The following CSNK1A1L variants were observed in gnomAD, a reference collection of about 807,000 sequenced individuals.
CSNK1A1L encodes casein kinase I isoform alpha-like.
A neutral mutation model predicts 24.6 loss-of-function variants in CSNK1A1L; 20 were observed. The observed-to-expected ratio is 0.81, with a 90% CI of 0.57 to 1.18. The LOEUF (loss-of-function observed/expected upper bound fraction) is 1.18, where lower values mean the gene tolerates loss of function less well. Ranked by LOEUF, CSNK1A1L falls within the 50% of genes most tolerant of loss-of-function variation. The pLI is 0.00. For synonymous variants in CSNK1A1L, 152 were observed against 154.0 expected, an observed-to-expected ratio of 0.99 and a Z score of 0.09; for missense variants, 414 against 419.0, an observed-to-expected ratio of 0.99 and a Z score of 0.10.
chr13:37,105,162 T>A lies in CSNK1A1L; in HGVS notation c.95A>T (p.Tyr32Phe). 1.2e-6 allele frequency: 2 copies of A among 1,614,142 alleles called. No individual in the cohort carries two copies. Among genetic ancestry groups the A allele is most frequent in the Non-Finnish European group, 1.7e-6 (2 of 1,180,026 alleles). The part of the protein sequence containing the change: ...KIGSGSFGDV[Y>F]LGITTTNGED... The stretch of plus-strand genomic sequence containing the variant: ...GCCGTTGGTGGTGGTGATGCCCAGA[T>A]AAACGTCTCCAAAGGAGCCAGACCC... Residue 32 changes from tyrosine (Y) to phenylalanine (F), a missense_variant, in exon 1 of 1, where the codon TAT becomes TTT. By Grantham distance (22) the Tyr-to-Phe change is conservative (BLOSUM62 3). Coordinates refer to ENST00000379800, the MANE Select transcript of CSNK1A1L (RefSeq NM_145203.6).
rs2070759898 is a variant in CSNK1A1L at position 37,103,658 on chromosome 13, G to C, written c.*585C>G. The C allele has an allele frequency of 6.5e-6, 1 of 153,556 alleles. No individual in the cohort carries two copies. The highest frequency in any genetic ancestry group is 1.5e-5 in the Non-Finnish European group (1 of 68,936). The allele number at this position is 153,556 out of a possible 1,614,324, so 9.5% of individuals were successfully genotyped here. A position where few individuals can be genotyped will look rare whatever the true frequency, so the allele number is the denominator to read the frequency against. ...CTGGTAGTTACTAAGATTTTCTTAT[G>C]TCTTCACAGGTAAGCAGGCGGAATC... On this transcript the variant is annotated 3_prime_UTR_variant, in exon 1 of 1. Coordinates refer to ENST00000379800, the MANE Select transcript of CSNK1A1L (RefSeq NM_145203.6).
In CSNK1A1L at chr13:37,103,829, C is replaced by G; in HGVS notation, c.*414G>C. 1 of 227,582 alleles carries G rather than the reference C, an allele frequency of 4.4e-6. No individual in the cohort carries two copies. The highest frequency in any genetic ancestry group is 6.2e-5 in the South Asian group (1 of 16,194). 14.1% of individuals were successfully genotyped at this position (227,582 alleles called of 1,614,324 possible). A position where few individuals can be genotyped will look rare whatever the true frequency, so the allele number is the denominator to read the frequency against. The stretch of plus-strand genomic sequence containing the variant: ...AACCCTAAAAATGCTCAATCATAAG[C>G]ATTTACAACCTTTGCAGCTGTGGCT... On this transcript the variant is annotated 3_prime_UTR_variant, in exon 1 of 1. Coordinates refer to ENST00000379800, the MANE Select transcript of CSNK1A1L (RefSeq NM_145203.6).
chr13:37,104,922 G>C lies in CSNK1A1L; in HGVS notation c.335C>G (p.Thr112Ser). ...NFCSRRFTMK[T>S]VLMLADQMIS... ...CATCTGGTCGGCTAACATAAGTACA[G>C]TTTTCATGGTGAACCTTCTTGAACA... The change falls in exon 1 of 1, where the codon ACT becomes AGT. Residue 112 changes from threonine (T) to serine (S), a missense_variant. Physicochemically the swap from Thr to Ser is moderately conservative, Grantham distance 58. Transcript: ENST00000379800. 6.2e-7 allele frequency: 1 copy of C among 1,614,060 alleles called. No homozygotes were observed. Among genetic ancestry groups the C allele is most frequent in the South Asian group, 1.1e-5 (1 of 91,078 alleles).
chr13:37,104,930 G>T lies in CSNK1A1L; in HGVS notation c.327C>A (p.Thr109=). 6.2e-7 allele frequency: 1 copy of T among 1,613,962 alleles called. No homozygotes were observed. Among genetic ancestry groups the T allele is most frequent in the Non-Finnish European group, 8.5e-7 (1 of 1,179,988 alleles). ...DLFNFCSRRF[T]MKTVLMLADQ... ...CGGCTAACATAAGTACAGTTTTCAT[G>T]GTGAACCTTCTTGAACAGAAATTAA... The change falls in exon 1 of 1, where the codon ACC becomes ACA. Residue 109 remains threonine, a synonymous_variant. Coordinates refer to ENST00000379800, the MANE Select transcript of CSNK1A1L (RefSeq NM_145203.6).
Position 37,103,939 on chromosome 13 carries a change from T to C in CSNK1A1L, c.*304A>G. ...ACAAAAAATTGGCATATGGACAATG[T>C]CTCCACCAATTCGTGTGTGTCAACC... On this transcript the variant is annotated 3_prime_UTR_variant, in exon 1 of 1. Coordinates refer to ENST00000379800, the MANE Select transcript of CSNK1A1L (RefSeq NM_145203.6). 2.3e-6 allele frequency: 1 copy of C among 444,140 alleles called. No individual in the cohort carries two copies. The highest frequency in any genetic ancestry group is 4.1e-6 in the Non-Finnish European group (1 of 243,880). 27.5% of individuals were successfully genotyped at this position (444,140 alleles called of 1,614,324 possible). A position where few individuals can be genotyped will look rare whatever the true frequency, so the allele number is the denominator to read the frequency against.
In CSNK1A1L at chr13:37,103,835, C is replaced by T. The variant is rs2139726647; in HGVS notation, c.*408G>A. 4.2e-6 allele frequency: 1 copy of T among 238,044 alleles called. No homozygotes were observed. The highest frequency in any genetic ancestry group is 1.1e-4 in the East Asian group (1 of 9,188). 14.7% of individuals were successfully genotyped at this position (238,044 alleles called of 1,614,324 possible). A position where few individuals can be genotyped will look rare whatever the true frequency, so the allele number is the denominator to read the frequency against. On this transcript the variant is annotated 3_prime_UTR_variant, in exon 1 of 1. Coordinates refer to ENST00000379800, the MANE Select transcript of CSNK1A1L (RefSeq NM_145203.6). ...AAAAATGCTCAATCATAAGCATTTA[C>T]AACCTTTGCAGCTGTGGCTGAATAC...
rs776027675 is a variant in CSNK1A1L, at chr13:37,104,550, A to C, written c.707T>G (p.Ile236Ser). Reference protein sequence around the residue: ...AMTKKQKYEKISEKKMSTPVE... With the variant: ...AMTKKQKYEKSSEKKMSTPVE... ...AGGGGTGGACATCTTCTTCTCACTA[A>C]TCTTTTCATATTTTTGTTTTTTTGT... is the stretch of plus-strand genomic sequence containing the variant. Residue 236 changes from isoleucine to serine, a missense_variant, in exon 1 of 1, where the codon ATT becomes AGT. Coordinates refer to ENST00000379800, the MANE Select transcript of CSNK1A1L (RefSeq NM_145203.6). 6.2e-7 allele frequency: 1 copy of C among 1,614,052 alleles called. No individual in the cohort carries two copies. The highest frequency in any genetic ancestry group is 8.5e-7 in the Non-Finnish European group (1 of 1,180,006).
In CSNK1A1L at chr13:37,105,638, TGTTC is replaced by T. The variant is rs2070773873; in HGVS notation, c.-386_-383del. The stretch of plus-strand genomic sequence containing the variant: ...GGTCACGCCGCCGGCGCCGCCATTT[TGTTC>T]CTCCACCTCAGCCAACCACAAATCG... On this transcript the variant is annotated 5_prime_UTR_variant, in exon 1 of 1. Coordinates refer to ENST00000379800, the MANE Select transcript of CSNK1A1L (RefSeq NM_145203.6). The T allele has an allele frequency of 4.8e-6, 1 of 207,130 alleles. No homozygotes were observed. Among genetic ancestry groups the T allele is most frequent in the East Asian group, 1.4e-4 (1 of 7,234 alleles). 12.8% of individuals were successfully genotyped at this position (207,130 alleles called of 1,614,324 possible).
chr13:37,104,501 A>C lies in CSNK1A1L; in HGVS notation c.756T>G (p.Phe252Leu), dbSNP rs2070764331. ...TCAAGTACATGGCGAATTCTGCAGGAAACCCCTTACATAAAACTTCAACAG... is the reference window on the plus strand; with the variant it reads ...TCAAGTACATGGCGAATTCTGCAGGCAACCCCTTACATAAAACTTCAACAG... The part of the protein sequence containing the change: ...STPVEVLCKG[F>L]PAEFAMYLNY... The change falls in exon 1 of 1, where the codon TTT becomes TTG. Residue 252 changes from phenylalanine (F) to leucine (L), a missense_variant. Phe to Leu is a conservative substitution (Grantham distance 22). Transcript: ENST00000379800. 1 of 1,614,114 alleles carries C rather than the reference A, an allele frequency of 6.2e-7. No homozygotes were observed. Among genetic ancestry groups the C allele is most frequent in the Admixed American group, 1.7e-5 (1 of 60,008 alleles).
In CSNK1A1L at chr13:37,104,890, T is replaced by C. The variant is rs200018301; in HGVS notation, c.367A>G (p.Arg123Gly). The C allele has an allele frequency of 2.5e-6, 4 of 1,614,212 alleles. No individual in the cohort carries two copies. The African/African-American group carries it at 5.3e-5, about 22-fold the overall frequency. ...TTCTTTGTATGCACGTATTCAATTCTGCTGATCATCTGGTCGGCTAACATA... is the reference window on the plus strand; with the variant it reads ...TTCTTTGTATGCACGTATTCAATTCCGCTGATCATCTGGTCGGCTAACATA... ...VLMLADQMIS[R>G]IEYVHTKNFL... The change falls in exon 1 of 1, where the codon AGA (arginine) becomes GGA (glycine). Residue 123 changes from arginine (R) to glycine (G), a missense_variant. Arg to Gly is a moderately radical substitution (Grantham distance 125). Transcript: ENST00000379800.
rs747586886 is a variant in CSNK1A1L at position 37,105,043 on chromosome 13, C to A, written c.214G>T (p.Gly72Cys). Reference protein sequence around the residue: ...KLYTILQGGVGIPHMHWYGQE... With the variant: ...KLYTILQGGVCIPHMHWYGQE... ...CCATACCAGTGCATGTGGGGGATGC[C>A]AACCCCACCTTGAAGAATCGTGTAG... Residue 72 changes from glycine to cysteine, a missense_variant, in exon 1 of 1, where the codon GGC (glycine) becomes TGC (cysteine). Coordinates refer to ENST00000379800, the MANE Select transcript of CSNK1A1L (RefSeq NM_145203.6). 1 of 1,614,044 alleles carries A rather than the reference C, an allele frequency of 6.2e-7. No homozygotes were observed. The highest frequency in any genetic ancestry group is 8.5e-7 in the Non-Finnish European group (1 of 1,180,006).
In CSNK1A1L at chr13:37,105,230, G is replaced by C. The variant is rs763211735; in HGVS notation, c.27C>G (p.Ala9=). 2 of 1,613,892 alleles carry C rather than the reference G, an allele frequency of 1.2e-6. No individual in the cohort carries two copies. Among genetic ancestry groups the C allele is most frequent in the Non-Finnish European group, 1.7e-6 (2 of 1,179,958 alleles). Residue 9 remains alanine (A), a synonymous_variant, in exon 1 of 1, where the codon GCC becomes GCG. Coordinates refer to ENST00000379800, the MANE Select transcript of CSNK1A1L (RefSeq NM_145203.6). MTNNSGSK[A]ELVVGGKYKL... is the part of the protein sequence containing the mutation. ...TGTATTTCCCTCCCACAACGAGTTC[G>C]GCTTTGGAGCCGCTGTTGTTTGTCA...
chr13:37,105,085 G>T lies in CSNK1A1L; in HGVS notation c.172C>A (p.Leu58Met), dbSNP rs150428301. 4.0e-5 allele frequency: 64 copies of T among 1,614,032 alleles called. No homozygotes were observed. The African/African-American group carries it at 7.6e-4, about 19-fold the overall frequency. ...ESQKVKHPQL[L>M]YESKLYTILQ... ...ATCGTGTAGAGTTTGCTCTCATACAGCAACTGGGGGTGCTTGACCTTCTGA... is the reference window on the plus strand; with the variant it reads ...ATCGTGTAGAGTTTGCTCTCATACATCAACTGGGGGTGCTTGACCTTCTGA... Residue 58 changes from leucine (L) to methionine (M), a missense_variant, in exon 1 of 1, where the codon CTG becomes ATG. Transcript: ENST00000379800.
rs1255713307 is a variant in CSNK1A1L, at chr13:37,103,372, G to C, written c.*871C>G. 6.6e-6 allele frequency: 1 copy of C among 152,076 alleles called. No individual in the cohort carries two copies. The highest frequency in any genetic ancestry group is 1.5e-5 in the Non-Finnish European group (1 of 67,978). 9.4% of individuals were successfully genotyped at this position (152,076 alleles called of 1,614,324 possible). A position where few individuals can be genotyped will look rare whatever the true frequency, so the allele number is the denominator to read the frequency against. ...CTAGTGAATCAGCAAGGCATTTTTT[G>C]GTTGTTGTTTAAAAAAGTATTATTT... On this transcript the variant is annotated 3_prime_UTR_variant, in exon 1 of 1. Coordinates refer to ENST00000379800, the MANE Select transcript of CSNK1A1L (RefSeq NM_145203.6).
In CSNK1A1L at chr13:37,104,982, A is replaced by G; in HGVS notation, c.275T>C (p.Leu92Pro). Residue 92 changes from leucine to proline, a missense_variant, in exon 1 of 1, where the codon CTT (leucine) becomes CCT (proline). Leu to Pro is a moderately conservative substitution (Grantham distance 98). Coordinates refer to ENST00000379800, the MANE Select transcript of CSNK1A1L (RefSeq NM_145203.6). ...EKDNNVLVMD[L>P]LGPSLEDLFN... ...GAGGTCTTCGAGGCTGGGTCCCAGA[A>G]GGTCCATGACTAGCACATTGTTGTC... The G allele has an allele frequency of 6.2e-7, 1 of 1,614,122 alleles. No individual in the cohort carries two copies. Among genetic ancestry groups the G allele is most frequent in the Non-Finnish European group, 8.5e-7 (1 of 1,180,028 alleles).
rs898564429 is a variant in CSNK1A1L at position 37,103,368 on chromosome 13, T to G, written c.*875A>C. ...TTTCCTAGTGAATCAGCAAGGCATT[T>G]TTTGGTTGTTGTTTAAAAAAGTATT... On this transcript the variant is annotated 3_prime_UTR_variant, in exon 1 of 1. Coordinates refer to ENST00000379800, the MANE Select transcript of CSNK1A1L (RefSeq NM_145203.6). 2 of 152,232 alleles carry G rather than the reference T, an allele frequency of 1.3e-5. No individual in the cohort carries two copies. The highest frequency in any genetic ancestry group is 6.5e-5 in the Admixed American group (1 of 15,276). 9.4% of individuals were successfully genotyped at this position (152,232 alleles called of 1,614,324 possible). A position where few individuals can be genotyped will look rare whatever the true frequency, so the allele number is the denominator to read the frequency against.
chr13:37,105,119 C>T lies in CSNK1A1L; in HGVS notation c.138G>A (p.Lys46=), dbSNP rs1309743023. ...GGTGCTTGACCTTCTGAGATTCCAG[C>T]TTCACTGCTACGTCCTCGCCGTTGG... ...TTTNGEDVAV[K]LESQKVKHPQ... is the part of the protein sequence containing the mutation. Residue 46 remains lysine (K), a synonymous_variant, in exon 1 of 1, where the codon AAG becomes AAA. Transcript: ENST00000379800. 2.5e-6 allele frequency: 4 copies of T among 1,614,044 alleles called. No homozygotes were observed. The African/African-American group carries it at 5.3e-5, about 22-fold the overall frequency.
rs1165201333 is a variant in CSNK1A1L, at chr13:37,105,416, C to T, written c.-160G>A. On this transcript the variant is annotated 5_prime_UTR_variant, in exon 1 of 1. Transcript: ENST00000379800. The stretch of plus-strand genomic sequence containing the variant: ...ACAGGGCGTGGAGTCAGCCTGATCC[C>T]TGCAGCACACCAGGATTTCCGCCAG... 7.2e-6 allele frequency: 5 copies of T among 690,910 alleles called. No individual in the cohort carries two copies. Among genetic ancestry groups the T allele is most frequent in the Non-Finnish European group, 1.2e-5 (5 of 410,778 alleles). The allele number at this position is 690,910 out of a possible 1,614,324, so 42.8% of individuals were successfully genotyped here.
Position 37,103,363 on chromosome 13 carries a change from G to A in CSNK1A1L, c.*880C>T, listed in dbSNP as rs2070758402. On this transcript the variant is annotated 3_prime_UTR_variant, in exon 1 of 1. Transcript: ENST00000379800. Reference sequence around the variant, plus strand: ...TTTTATTTCCTAGTGAATCAGCAAGGCATTTTTTGGTTGTTGTTTAAAAAA... The same window carrying A: ...TTTTATTTCCTAGTGAATCAGCAAGACATTTTTTGGTTGTTGTTTAAAAAA... The A allele has an allele frequency of 1.3e-5, 2 of 152,134 alleles. No homozygotes were observed. Among genetic ancestry groups the A allele is most frequent in the African/African-American group, 4.8e-5 (2 of 41,402 alleles). 9.4% of individuals were successfully genotyped at this position (152,134 alleles called of 1,614,324 possible).
Sources: allele counts gnomAD v4.1 joint callset, GRCh38; gene constraint gnomAD v4.1.1; transcripts MANE v1.5; gene names NCBI Gene and HGNC (gene_info 2026-07-23, HGNC 2026-07-21).